NTRK3: variants seen among roughly 807,000 people sequenced by gnomAD.
NTRK3 encodes neurotrophic receptor tyrosine kinase 3.
In NTRK3, 24 loss-of-function variants were observed where a neutral mutation model predicts 91.7. The observed-to-expected ratio is 0.26, with a 90% CI of 0.19 to 0.37. NTRK3 has a LOEUF of 0.37. NTRK3 is among the 10% of genes least tolerant of loss of function. The probability of loss-of-function intolerance (pLI) is 1.00; values close to 1 mark genes in which losing one functional copy is unlikely to be tolerated. For missense variants in NTRK3, 880 were observed against 1,068.9 expected, an observed-to-expected ratio of 0.82 and a Z score of 2.46; for synonymous variants, 483 against 404.0, an observed-to-expected ratio of 1.20 and a Z score of -2.34.
chr15:88,102,145 T>C (rs1476778649), intron 13 of NTRK3, among the ~76,000 whole-genome samples: 1 of 152,028 alleles, frequency 6.6e-6, no homozygotes, highest in East Asian at 1.9e-4. Context: ...CAGGCCAGCA[T>C]CTCCCCTGGT....
At chr15:87,935,120 C>T (rs948160330) in intron 15 of NTRK3, among the ~76,000 whole-genome samples, 2 of 152,134 alleles carry the variant, frequency 1.3e-5, no homozygotes, top group African/African-American at 4.8e-5. Context: ...CCCAGCACAC[C>T]TGCCTGAATT....
chr15:88,245,798 G>A, intron 3 of NTRK3, among the ~76,000 whole-genome samples: 1 of 152,178 alleles, frequency 6.6e-6, no homozygotes, highest in African/African-American at 2.4e-5. Context: ...AGGTCAAGTA[G>A]CCAGCCCAGG....
chr15:87,972,613 C>T (rs1055545328), intron 14 of NTRK3, among the ~76,000 whole-genome samples: 6 of 152,302 alleles, frequency 3.9e-5, no homozygotes, highest in Non-Finnish European at 8.8e-5. Context: ...ATAGGTAAAT[C>T]AAAGCCTTAA....
intron 14 of NTRK3, among the ~76,000 whole-genome samples, chr15:87,966,699 T>G (rs542681042): frequency 1.7e-4 from 26 of 152,276 alleles, no homozygotes; most frequent in South Asian, 1.0e-3. Context: ...TGAGAGCTGT[T>G]TGGGTAAGGA....
chr15:87,973,228 C>A (rs1450576361), intron 14 of NTRK3, among the ~76,000 whole-genome samples: 1 of 152,120 alleles, frequency 6.6e-6, no homozygotes, highest in Admixed American at 6.5e-5. Context: ...GGTGTTAGAC[C>A]TTATCACCCG....
chr15:87,951,154 A>T (rs1225799329), intron 14 of NTRK3, among the ~76,000 whole-genome samples: 1 of 152,178 alleles, frequency 6.6e-6, no homozygotes, highest in East Asian at 1.9e-4. Context: ...ACCCGTCCCC[A>T]CTTCCACTAG....
intron 14 of NTRK3, among the ~76,000 whole-genome samples, chr15:87,994,424 C>T (rs1461187745): frequency 6.6e-6 from 1 of 152,122 alleles, no homozygotes; most frequent in African/African-American, 2.4e-5. Flanking sequence ...CACAGAACAC[C>T]ATGTGAACAT....
At chr15:88,147,446 G>T (rs754220818) in intron 5 of NTRK3, 43 bp from the exon 6 acceptor site, 1 of 1,529,150 alleles carries the variant, frequency 6.5e-7, no homozygotes, top group Non-Finnish European at 9.1e-7. Flanking sequence ...AACAAGTCTG[G>T]CACAAATAAT....
intron 14 of NTRK3, among the ~76,000 whole-genome samples, chr15:87,945,840 T>C (rs2070434995): frequency 6.6e-6 from 1 of 151,286 alleles, no homozygotes; most frequent in African/African-American, 2.4e-5. Context: ...CAGATCTCTA[T>C]TGAAATCCTG....
chr15:88,033,108 T>C (rs2142026537), intron 13 of NTRK3, 63 bp from the exon 14 acceptor site: 1 of 1,497,490 alleles, frequency 6.7e-7, no homozygotes, highest in South Asian at 1.2e-5. Flanking sequence ...TCCAGCCCTG[T>C]CCACAGACAA....
At chr15:88,095,144 A>C (rs2049453522) in intron 13 of NTRK3, among the ~76,000 whole-genome samples, 1 of 152,222 alleles carries the variant, frequency 6.6e-6, no homozygotes, top group South Asian at 2.1e-4. Flanking sequence ...GAGTGAGAAC[A>C]GCTTGTGTTC....
intron 6 of NTRK3, among the ~76,000 whole-genome samples, chr15:88,141,533 T>A (rs548425754): frequency 4.6e-5 from 7 of 152,324 alleles, no homozygotes; most frequent in African/African-American, 1.4e-4. Context: ...CTGAACCAGG[T>A]CAGCCTGGTT....
intron 5 of NTRK3, among the ~76,000 whole-genome samples, chr15:88,161,939 G>C (rs550473434): frequency 2.0e-5 from 3 of 152,284 alleles, no homozygotes; most frequent in Admixed American, 6.5e-5. Context: ...CCCTCCAGCT[G>C]CTGAGGAATC....
intron 3 of NTRK3, among the ~76,000 whole-genome samples, chr15:88,205,644 T>TA (rs2048684813): frequency 2.0e-5 from 3 of 152,220 alleles, no homozygotes; most frequent in Admixed American, 2.0e-4. Flanking sequence ...AGGGCTATCC[T>TA]AAGCCCCCAA....
chr15:88,170,576 A>C (rs1361156138), intron 5 of NTRK3, among the ~76,000 whole-genome samples: 3 of 152,198 alleles, frequency 2.0e-5, no homozygotes. Context: ...ATAGATGAGG[A>C]ACAGAGAAAG....
intron 3 of NTRK3, among the ~76,000 whole-genome samples, chr15:88,213,663 C>T (rs902285397): frequency 1.3e-4 from 20 of 152,204 alleles, no homozygotes; most frequent in African/African-American, 3.9e-4. Flanking sequence ...CCTTCATTAA[C>T]TTATTACGGC....
chr15:87,907,795 G>A (rs984384464), intron 17 of NTRK3, among the ~76,000 whole-genome samples: 3 of 152,170 alleles, frequency 2.0e-5, no homozygotes, highest in African/African-American at 7.2e-5. Flanking sequence ...ACAGTCTGAT[G>A]ATCAAGGTAA....
intron 14 of NTRK3, among the ~76,000 whole-genome samples, chr15:87,947,133 C>T (rs1263163935): frequency 6.6e-6 from 1 of 152,100 alleles, no homozygotes; most frequent in Non-Finnish European, 1.5e-5. Context: ...CCTGCCTCAG[C>T]CTCCCAAAGT....
intron 14 of NTRK3, among the ~76,000 whole-genome samples, chr15:87,986,815 G>C (rs568811498): frequency 1.3e-5 from 2 of 152,352 alleles, no homozygotes; most frequent in South Asian, 4.1e-4. Context: ...TAAAGGACCA[G>C]ATAGAAAATA....
Sources: gnomAD v4.1 joint callset for allele counts (sites outside exome capture counted in the v4.1 genomes callset) on GRCh38, gnomAD v4.1.1 for gene constraint, MANE v1.5 for transcripts, NCBI Gene and HGNC (gene_info 2026-07-23, HGNC 2026-07-21) for gene names.